The following RIT2 variants were observed in gnomAD, a reference collection of about 807,000 sequenced individuals.
RIT2 encodes GTP-binding protein Rit2.
In RIT2, 24 loss-of-function variants were observed where a neutral mutation model predicts 23.7. The observed-to-expected ratio is 1.01, with a 90% confidence interval of 0.73 to 1.43. The LOEUF is 1.43. RIT2 is among the 40% of genes most tolerant of loss of function. The probability of loss-of-function intolerance (pLI) is 0.00; values close to 1 mark genes in which losing one functional copy is unlikely to be tolerated. For missense variants in RIT2, 236 were observed against 266.9 expected, an observed-to-expected ratio of 0.88 and a Z score of 0.81; for synonymous variants, 107 against 91.1, an observed-to-expected ratio of 1.17 and a Z score of -0.99.
chr18:42,888,250 T>C (rs1908075665), intron 4 of RIT2, among the ~76,000 whole-genome samples: 1 of 152,014 alleles, frequency 6.6e-6, no homozygotes, highest in Non-Finnish European at 1.5e-5. Flanking sequence ...GCAGAAAGTA[T>C]ATGGGAACCT....
chr18:42,833,138 C>T (rs1906507001), intron 4 of RIT2, among the ~76,000 whole-genome samples: 1 of 149,870 alleles, frequency 6.7e-6, no homozygotes, highest in African/African-American at 2.5e-5. Flanking sequence ...ATTCATCTCT[C>T]CTCCCCCAAC....
intron 4 of RIT2, among the ~76,000 whole-genome samples, chr18:42,756,956 T>G (rs1354910145): frequency 2.6e-5 from 4 of 152,090 alleles, no homozygotes; most frequent in Non-Finnish European, 5.9e-5. Context: ...TAATAAATTA[T>G]ATAACTCTAC....
chr18:42,833,552 T>C (rs1906519355), intron 4 of RIT2, among the ~76,000 whole-genome samples: 1 of 152,186 alleles, frequency 6.6e-6, no homozygotes, highest in Non-Finnish European at 1.5e-5. Flanking sequence ...CATTTTACAT[T>C]ACAAATACAT....
At chr18:43,068,477 C>A (rs911177839) in intron 1 of RIT2, among the ~76,000 whole-genome samples, 2 of 152,024 alleles carry the variant, frequency 1.3e-5, no homozygotes, top group African/African-American at 4.8e-5. Context: ...TTATATTTAT[C>A]ATTTTATTGG....
rs967839868 is a variant in RIT2 at position 42,840,150 on chromosome 18, C to T, written c.426+83422G>A. ...GCAGAACTGAATCTTTTGCTTGTTT[C>T]CACTATAAAGCTTTCTCACTTCTCT... On this transcript the variant is annotated intron_variant, in intron 4 of 4. Transcript: ENST00000326695. 1.3e-5 allele frequency among the ~76,000 whole-genome samples: 2 copies of T among 152,178 alleles called. 1 individual carries two copies. The highest frequency in any genetic ancestry group is 4.1e-4 in the South Asian group (2 of 4,826).
At chr18:43,044,424 A>G (rs1568065251) in intron 1 of RIT2, among the ~76,000 whole-genome samples, 1 of 152,200 alleles carries the variant, frequency 6.6e-6, no homozygotes, top group Non-Finnish European at 1.5e-5. Context: ...GGTGCTTTCC[A>G]GATCAAAAGC....
At chr18:43,097,866 A>C (rs2144369342) in intron 1 of RIT2, among the ~76,000 whole-genome samples, 1 of 152,044 alleles carries the variant, frequency 6.6e-6, no homozygotes, top group South Asian at 2.1e-4. Flanking sequence ...AAGACCATCC[A>C]TCACTTTCAG....
At chr18:42,771,240 A>G (rs114220142) in intron 4 of RIT2, among the ~76,000 whole-genome samples, 71 of 152,310 alleles carry the variant, frequency 4.7e-4, no homozygotes, top group African/African-American at 1.7e-3. Flanking sequence ...TAATTATATT[A>G]TCAAGACAGG....
chr18:42,916,687 C>T (rs1908917967), intron 4 of RIT2, among the ~76,000 whole-genome samples: 1 of 151,906 alleles, frequency 6.6e-6, no homozygotes, highest in South Asian at 2.1e-4. Flanking sequence ...ATAGTAGCAC[C>T]CAGTATTTAT....
intron 4 of RIT2, among the ~76,000 whole-genome samples, chr18:42,754,342 A>G (rs541972256): frequency 5.9e-5 from 9 of 152,298 alleles, no homozygotes; most frequent in African/African-American, 2.2e-4. Flanking sequence ...GAGTGGGGAA[A>G]GGCAAGAGTA....
At chr18:43,061,984 A>G (rs1912657541) in intron 1 of RIT2, among the ~76,000 whole-genome samples, 1 of 152,092 alleles carries the variant, frequency 6.6e-6, no homozygotes, top group African/African-American at 2.4e-5. Context: ...ATAGGAGAGA[A>G]GAAGCTGCTG....
At chr18:42,750,545 A>G (rs945918288) in intron 4 of RIT2, among the ~76,000 whole-genome samples, 2 of 151,870 alleles carry the variant, frequency 1.3e-5, no homozygotes, top group Non-Finnish European at 3.0e-5. Flanking sequence ...CCGTAGCTAA[A>G]TATTGCAACA....
chr18:42,971,577 T>C (rs1260743069), intron 3 of RIT2, among the ~76,000 whole-genome samples: 1 of 152,080 alleles, frequency 6.6e-6, no homozygotes, highest in Non-Finnish European at 1.5e-5. Context: ...GCCACAATAA[T>C]GCTACAAGAC....
At chr18:42,923,385 C>G (rs1909100432) in intron 4 of RIT2, 187 bp downstream of exon 4, 1 of 617,490 alleles carries the variant, frequency 1.6e-6, no homozygotes, top group African/African-American at 1.8e-5. Context: ...TGCAAAATAG[C>G]ATATGTGGTA....
intron 4 of RIT2, among the ~76,000 whole-genome samples, chr18:42,770,663 G>C: frequency 6.6e-6 from 1 of 152,066 alleles, no homozygotes; most frequent in Non-Finnish European, 1.5e-5. Context: ...ATTGTTATTT[G>C]GCAATATTAA....
At chr18:42,814,988 G>C (rs1414933769) in intron 4 of RIT2, among the ~76,000 whole-genome samples, 2 of 152,154 alleles carry the variant, frequency 1.3e-5, no homozygotes, top group Non-Finnish European at 2.9e-5. Flanking sequence ...TAGTACATCA[G>C]GGGAACATCC....
chr18:42,849,225 A>G (rs1313317582), intron 4 of RIT2, among the ~76,000 whole-genome samples: 1 of 152,116 alleles, frequency 6.6e-6, no homozygotes, highest in Admixed American at 6.6e-5. Context: ...CCAGTCTAAA[A>G]TTCAATATTT....
intron 4 of RIT2, among the ~76,000 whole-genome samples, chr18:42,782,460 G>A (rs755720182): frequency 6.6e-5 from 10 of 152,028 alleles, no homozygotes; most frequent in Admixed American, 2.6e-4. Flanking sequence ...ATTTATACAC[G>A]TATTTGCCTG....
At chr18:43,008,138 G>A (rs2144250667) in intron 2 of RIT2, among the ~76,000 whole-genome samples, 1 of 151,570 alleles carries the variant, frequency 6.6e-6, no homozygotes, top group Admixed American at 6.6e-5. Flanking sequence ...AATTTCTGAA[G>A]GCAGATTAAT....
Sources: allele counts gnomAD v4.1 joint callset (sites outside exome capture counted in the v4.1 genomes callset), GRCh38; gene constraint gnomAD v4.1.1; transcripts MANE v1.5; gene names NCBI Gene and HGNC (gene_info 2026-07-23, HGNC 2026-07-21).